Variants in TAOK3 observed in about 807,000 individuals in gnomAD.
TAOK3 encodes serine/threonine-protein kinase TAO3.
TAOK3 carries 40 observed loss-of-function variants against 120.4 expected under a neutral mutation model. The ratio of observed to expected loss-of-function variants is 0.33; its 90% CI spans 0.26 to 0.43. TAOK3 has a LOEUF of 0.43. TAOK3 is among the 20% of genes least tolerant of loss of function. The pLI is 1.00. For missense variants in TAOK3, 821 were observed against 1,112.1 expected, an observed-to-expected ratio of 0.74 and a Z score of 3.72; for synonymous variants, 355 against 387.5, an observed-to-expected ratio of 0.92 and a Z score of 0.99.
intron 17 of TAOK3, among the ~76,000 whole-genome samples, chr12:118,163,508 T>TGGACTCAAGTGATCCTCCC (rs1555209303): frequency 1.3e-5 from 2 of 151,262 alleles, no homozygotes; most frequent in East Asian, 3.9e-4. Context: ...CTCGGACTCC[T>TGGACTCAAGTGATCCTCCC]GGACTCAAGT....
At chr12:118,345,034 T>A (rs1197298118) in intron 1 of TAOK3, among the ~76,000 whole-genome samples, 1 of 152,124 alleles carries the variant, frequency 6.6e-6, no homozygotes, top group Non-Finnish European at 1.5e-5. Flanking sequence ...ATGAGGTTAG[T>A]CTACTGAATC....
chr12:118,227,326 A>T (rs927731342), intron 9 of TAOK3, among the ~76,000 whole-genome samples: 4 of 148,080 alleles, frequency 2.7e-5, no homozygotes, highest in African/African-American at 9.8e-5. Flanking sequence ...AATATAAAAT[A>T]TCTGTGTTAT....
At chr12:118,357,860 A>T (rs1804292457) in intron 1 of TAOK3, among the ~76,000 whole-genome samples, 1 of 152,270 alleles carries the variant, frequency 6.6e-6, no homozygotes, top group Non-Finnish European at 1.5e-5. Context: ...ATATGACATC[A>T]CATTTTAAAG....
intron 1 of TAOK3, among the ~76,000 whole-genome samples, chr12:118,341,463 G>A (rs2044616799): frequency 2.0e-5 from 3 of 151,732 alleles, no homozygotes; most frequent in Non-Finnish European, 4.4e-5. Flanking sequence ...TGTTTTAATG[G>A]CAATAATGCA....
chr12:118,242,463 G>A (rs1593271228), intron 5 of TAOK3, among the ~76,000 whole-genome samples: 1 of 152,210 alleles, frequency 6.6e-6, no homozygotes, highest in Non-Finnish European at 1.5e-5. Flanking sequence ...TTAAATTGGA[G>A]TTTAAGTAGG....
At chr12:118,196,435 G>T (rs966248173) in intron 13 of TAOK3, among the ~76,000 whole-genome samples, 4 of 151,468 alleles carry the variant, frequency 2.6e-5, no homozygotes, top group Admixed American at 6.6e-5. Context: ...AAATTAATTT[G>T]ACTAATTTAA....
intron 1 of TAOK3, among the ~76,000 whole-genome samples, chr12:118,332,550 T>C (rs1211732012): frequency 6.6e-6 from 1 of 152,218 alleles, no homozygotes; most frequent in Non-Finnish European, 1.5e-5. Context: ...TATGAGGCTA[T>C]AGCTAGATAA....
intron 1 of TAOK3, among the ~76,000 whole-genome samples, chr12:118,320,771 C>G (rs1452550986): frequency 2.6e-5 from 4 of 151,992 alleles, no homozygotes; most frequent in Non-Finnish European, 4.4e-5. Flanking sequence ...AAGAGGGTCC[C>G]CAAGCTGAAT....
chr12:118,337,235 T>C (rs1247206848), intron 1 of TAOK3, among the ~76,000 whole-genome samples: 1 of 152,142 alleles, frequency 6.6e-6, no homozygotes, highest in Non-Finnish European at 1.5e-5. Flanking sequence ...TCAGAATGAT[T>C]AAAATAAAAA....
chr12:118,192,004 C>T (rs2037458849), intron 13 of TAOK3, among the ~76,000 whole-genome samples: 2 of 152,162 alleles, frequency 1.3e-5, no homozygotes, highest in African/African-American at 4.8e-5. Context: ...ATTGTAATAA[C>T]TTGATTTATA....
chr12:118,239,672 T>C (rs1477321761), intron 5 of TAOK3, among the ~76,000 whole-genome samples: 2 of 152,236 alleles, frequency 1.3e-5, no homozygotes, highest in Non-Finnish European at 2.9e-5. Context: ...TTTGGGGTTA[T>C]ACCAGTTAAA....
chr12:118,235,457 TA>T, intron 8 of TAOK3, 100 bp downstream of exon 8: 17 of 803,070 alleles, frequency 2.1e-5, no homozygotes, highest in South Asian at 2.1e-4. Context: ...TTTTGAGGCA[TA>T]TTGGTAAGAC....
chr12:118,232,807 AAGG>A (rs1412774714), intron 9 of TAOK3, among the ~76,000 whole-genome samples: 13 of 152,132 alleles, frequency 8.5e-5, no homozygotes, highest in Admixed American at 2.0e-4. Flanking sequence ...CAGGAGGCTA[AAGG>A]AGGAGAATTG....
intron 11 of TAOK3, among the ~76,000 whole-genome samples, chr12:118,208,994 G>A (rs2038482201): frequency 6.6e-6 from 1 of 152,164 alleles, no homozygotes; most frequent in Non-Finnish European, 1.5e-5. Flanking sequence ...ACAGGCATGA[G>A]CCACCGTGCC....
intron 2 of TAOK3, among the ~76,000 whole-genome samples, chr12:118,257,230 G>A (rs2041026958): frequency 6.6e-6 from 1 of 152,070 alleles, no homozygotes. Context: ...TAGAAATACA[G>A]GCAATTAAAC....
intron 19 of TAOK3, among the ~76,000 whole-genome samples, chr12:118,159,250 G>A (rs866149474): frequency 2.0e-5 from 3 of 151,810 alleles, no homozygotes; most frequent in Admixed American, 1.3e-4. Context: ...TTCCCTAGAC[G>A]AGCTTAGTTA....
intron 1 of TAOK3, among the ~76,000 whole-genome samples, chr12:118,359,912 A>G (rs2045533890): frequency 6.6e-6 from 1 of 152,202 alleles, no homozygotes; most frequent in African/African-American, 2.4e-5. Flanking sequence ...ACCTAATTCA[A>G]AAAAGCTGGA....
chr12:118,345,647 T>C (rs932728300), intron 1 of TAOK3, among the ~76,000 whole-genome samples: 9 of 152,098 alleles, frequency 5.9e-5, no homozygotes, highest in African/African-American at 2.2e-4. Flanking sequence ...ATGAGTGCCT[T>C]TGTCAGGACA....
intron 1 of TAOK3, among the ~76,000 whole-genome samples, chr12:118,346,625 A>G: frequency 6.6e-6 from 1 of 152,226 alleles, no homozygotes; most frequent in East Asian, 1.9e-4. Context: ...AATAATTAGC[A>G]GAAATGTGGA....
Sources: gnomAD v4.1 joint callset for allele counts (sites outside exome capture counted in the v4.1 genomes callset) on GRCh38, gnomAD v4.1.1 for gene constraint, MANE v1.5 for transcripts, NCBI Gene and HGNC (gene_info 2026-07-23, HGNC 2026-07-21) for gene names.